NR2F1-AS1: variants seen among roughly 807,000 people sequenced by gnomAD.
NR2F1-AS1 encodes the protein NR2F1 regulatory antisense RNA 1.
chr5:93,416,723 T>C (rs985850804), intron 4 of NR2F1-AS1, among the ~76,000 whole-genome samples: 2 of 152,144 alleles, frequency 1.3e-5, no homozygotes, highest in Non-Finnish European at 2.9e-5. Flanking sequence ...TCGAACTCCT[T>C]CCAAAGTTGC....
rs181292270 is a variant in NR2F1-AS1, at chr5:93,482,699, C to G, written n.638+71062G>C. 1.1e-3 allele frequency among the ~76,000 whole-genome samples: 170 copies of G among 152,276 alleles called. 1 individual carries two copies. The highest frequency in any genetic ancestry group is 3.5e-3 in the African/African-American group (144 of 41,568). ...TGGAGCCAAGCAATCTAAGATCAAC[C>G]GGCTTGAAATTCTCACTGCAAGCAC... On this transcript the variant is annotated intron_variant and non_coding_transcript_variant, in intron 4 of 5. Coordinates refer to ENST00000660523, the Ensembl canonical transcript of NR2F1-AS1.
chr5:93,559,563 C>T (rs1752440125), intron 2 of NR2F1-AS1, among the ~76,000 whole-genome samples: 1 of 152,198 alleles, frequency 6.6e-6, no homozygotes, highest in Non-Finnish European at 1.5e-5. Context: ...GACATGCCTT[C>T]CTCACTAAGC....
chr5:93,577,539 G>T (rs1463305311), intron 1 of NR2F1-AS1, among the ~76,000 whole-genome samples: 2 of 152,138 alleles, frequency 1.3e-5, no homozygotes, highest in Non-Finnish European at 2.9e-5. Flanking sequence ...TCTGAGATAG[G>T]CTGGGGTTTA....
intron 4 of NR2F1-AS1, among the ~76,000 whole-genome samples, chr5:93,535,781 A>G (rs1163201550): frequency 6.6e-6 from 1 of 152,150 alleles, no homozygotes; most frequent in East Asian, 1.9e-4. Context: ...ACAAAATTCA[A>G]CTTCTCTCCA....
chr5:93,525,371 G>A (rs971044313), intron 4 of NR2F1-AS1, among the ~76,000 whole-genome samples: 4 of 152,174 alleles, frequency 2.6e-5, no homozygotes, highest in Non-Finnish European at 4.4e-5. Flanking sequence ...CAAGTTCTTA[G>A]AGACCTACAA....
chr5:93,457,750 T>C (rs1465286776), intron 4 of NR2F1-AS1, among the ~76,000 whole-genome samples: 1 of 152,126 alleles, frequency 6.6e-6, no homozygotes, highest in African/African-American at 2.4e-5. Flanking sequence ...TCTAGGCTTT[T>C]TTTTTTTAGC....
At chr5:93,478,931 A>G (rs1469132871) in intron 4 of NR2F1-AS1, among the ~76,000 whole-genome samples, 5 of 152,218 alleles carry the variant, frequency 3.3e-5, no homozygotes, top group Non-Finnish European at 7.3e-5. Context: ...ACGTGGAGGA[A>G]AGTGATGTCA....
At chr5:93,451,298 C>A (rs1749824362) in intron 4 of NR2F1-AS1, among the ~76,000 whole-genome samples, 2 of 141,116 alleles carry the variant, frequency 1.4e-5, no homozygotes, top group Non-Finnish European at 1.5e-5. Flanking sequence ...TCTAATTCAC[C>A]AGGTTTTAGA....
At chr5:93,506,042 C>T (rs907469525) in intron 4 of NR2F1-AS1, among the ~76,000 whole-genome samples, 1 of 152,192 alleles carries the variant, frequency 6.6e-6, no homozygotes, top group Non-Finnish European at 1.5e-5. Flanking sequence ...ATGCTTTTAA[C>T]AGCACCCAAG....
At chr5:93,427,104 T>C (rs1044945956) in intron 4 of NR2F1-AS1, among the ~76,000 whole-genome samples, 2 of 152,190 alleles carry the variant, frequency 1.3e-5, no homozygotes, top group African/African-American at 4.8e-5. Context: ...TCTCTTGCCC[T>C]TGTCCTTCAT....
chr5:93,499,516 C>T (rs527294619), intron 4 of NR2F1-AS1, among the ~76,000 whole-genome samples: 6 of 152,120 alleles, frequency 3.9e-5, no homozygotes, highest in Admixed American at 3.9e-4. Flanking sequence ...TTTGAGGCAC[C>T]ACGGACCATG....
chr5:93,549,963 C>A (rs917072292), intron 4 of NR2F1-AS1, among the ~76,000 whole-genome samples: 10 of 151,548 alleles, frequency 6.6e-5, no homozygotes, highest in South Asian at 2.1e-4. Context: ...GGGGCCCTGT[C>A]GAGGGGTTGG....
chr5:93,462,796 G>T (rs938354708), intron 4 of NR2F1-AS1, among the ~76,000 whole-genome samples: 1 of 152,180 alleles, frequency 6.6e-6, no homozygotes, highest in Non-Finnish European at 1.5e-5. Flanking sequence ...ACTGCCACCA[G>T]ATTTGTAGAA....
At chr5:93,429,102 G>A (rs908802349) in intron 4 of NR2F1-AS1, among the ~76,000 whole-genome samples, 4 of 152,128 alleles carry the variant, frequency 2.6e-5, no homozygotes, top group African/African-American at 9.7e-5. Context: ...GAGGCAACAA[G>A]TGTTTGATGT....
At chr5:93,556,137 T>C (rs1008798424) in intron 2 of NR2F1-AS1, among the ~76,000 whole-genome samples, 3 of 152,168 alleles carry the variant, frequency 2.0e-5, no homozygotes, top group African/African-American at 7.2e-5. Flanking sequence ...TGTAGCACTC[T>C]CTGGCCCCGA....
At chr5:93,472,497 T>C (rs1358893628) in intron 4 of NR2F1-AS1, among the ~76,000 whole-genome samples, 1 of 151,820 alleles carries the variant, frequency 6.6e-6, no homozygotes, top group African/African-American at 2.4e-5. Context: ...TTAGCTACTC[T>C]CCATAAGCTA....
intron 4 of NR2F1-AS1, among the ~76,000 whole-genome samples, chr5:93,435,220 CTTGT>C (rs1270646295): frequency 1.3e-5 from 2 of 152,144 alleles, no homozygotes; most frequent in East Asian, 1.9e-4. Context: ...ATCCTACTCC[CTTGT>C]TTGTTTAAGT....
At chr5:93,533,740 G>C (rs1751779617) in intron 4 of NR2F1-AS1, among the ~76,000 whole-genome samples, 3 of 152,138 alleles carry the variant, frequency 2.0e-5, no homozygotes, top group Admixed American at 2.0e-4. Context: ...TTACAGAAGA[G>C]GAAGGTAAGG....
At chr5:93,549,839 T>C (rs569335862) in intron 4 of NR2F1-AS1, among the ~76,000 whole-genome samples, 3 of 152,066 alleles carry the variant, frequency 2.0e-5, no homozygotes, top group Admixed American at 6.6e-5. Flanking sequence ...CTGGAAACCA[T>C]CATTCTCAGC....
Sources: gnomAD v4.1 joint callset for allele counts (sites outside exome capture counted in the v4.1 genomes callset) on GRCh38, gnomAD v4.1.1 for gene constraint, MANE v1.5 for transcripts, NCBI Gene and HGNC (gene_info 2026-07-23, HGNC 2026-07-21) for gene names.